Variants in CSMD3 observed in about 807,000 individuals in gnomAD.
CSMD3 encodes the protein CUB and Sushi multiple domains 3, also known as CUB and sushi domain-containing protein 3.
In CSMD3, 177 loss-of-function variants were observed where a neutral mutation model predicts 435.2. The ratio of observed to expected loss-of-function variants is 0.41; its 90% CI spans 0.36 to 0.46. The LOEUF (loss-of-function observed/expected upper bound fraction) is 0.46, where lower values mean the gene tolerates loss of function less well. Ranked by LOEUF, CSMD3 falls within the 20% of genes least tolerant of loss-of-function variation. The pLI, the probability that CSMD3 is intolerant of heterozygous loss-of-function variation, is 0.34. For missense variants in CSMD3, 4,265 were observed against 4,504.6 expected, an observed-to-expected ratio of 0.95 and a Z score of 1.52; for synonymous variants, 1,656 against 1,520.5, an observed-to-expected ratio of 1.09 and a Z score of -2.07.
chr8:113,374,488 T>C (rs1299827494), intron 1 of CSMD3, among the ~76,000 whole-genome samples: 2 of 152,026 alleles, frequency 1.3e-5, no homozygotes, highest in Non-Finnish European at 2.9e-5. Flanking sequence ...GAAGTTCAAA[T>C]TTGTATTCCT....
At chr8:112,908,420 T>G (rs116958172) in intron 10 of CSMD3, among the ~76,000 whole-genome samples, 323 of 151,630 alleles carry the variant, frequency 2.1e-3, no homozygotes, top group Non-Finnish European at 3.9e-3. Flanking sequence ...TTTATAACTT[T>G]GTAGCTGCAA....
rs370529922 is a variant in CSMD3, at chr8:112,263,753, C to A, written c.9748G>T (p.Asp3250Tyr). The A allele has an allele frequency of 1.2e-6, 2 of 1,613,772 alleles. No individual in the cohort carries two copies. The highest frequency in any genetic ancestry group is 2.2e-5 in the South Asian group (2 of 91,048). ...SNGRLEGTNF[D>Y]WGFSISYICS... ...ATGTAGCTAATACTAAAGCCCCAGT[C>A]GAAATTTGTTCCTTCCAGCCTTCCA... Residue 3250 changes from aspartate (D) to tyrosine (Y), a missense_variant, in exon 61 of 71, where the codon GAC becomes TAC. Coordinates refer to ENST00000297405, the MANE Select transcript of CSMD3 (RefSeq NM_198123.2).
chr8:112,855,968 G>T (rs2080646260), intron 11 of CSMD3, among the ~76,000 whole-genome samples: 1 of 151,718 alleles, frequency 6.6e-6, no homozygotes, highest in African/African-American at 2.4e-5. Flanking sequence ...TTGAAACTTG[G>T]AAAAACAAGT....
At chr8:112,480,576 G>GT (rs1819536158) in intron 31 of CSMD3, among the ~76,000 whole-genome samples, 1 of 152,110 alleles carries the variant, frequency 6.6e-6, no homozygotes, top group South Asian at 2.1e-4. Flanking sequence ...CCTTGCGATA[G>GT]TGAGTGAGTT....
At chr8:112,835,641 T>C (rs2080001736) in intron 11 of CSMD3, among the ~76,000 whole-genome samples, 1 of 151,942 alleles carries the variant, frequency 6.6e-6, no homozygotes, top group South Asian at 2.1e-4. Flanking sequence ...CAGATACACA[T>C]CTTATGTGTA....
intron 47 of CSMD3, among the ~76,000 whole-genome samples, chr8:112,315,007 C>A (rs1411258269): frequency 2.0e-5 from 3 of 151,862 alleles, no homozygotes; most frequent in East Asian, 1.9e-4. Context: ...TTAACTCACT[C>A]TCTTCTCTCT....
chr8:113,267,890 T>C (rs567683489), intron 3 of CSMD3, among the ~76,000 whole-genome samples: 50 of 151,894 alleles, frequency 3.3e-4, no homozygotes, highest in African/African-American at 1.1e-3. Context: ...CTGATAATTA[T>C]ATTGTCTAAC....
intron 24 of CSMD3, among the ~76,000 whole-genome samples, chr8:112,570,862 G>C (rs1293633471): frequency 1.3e-5 from 2 of 151,988 alleles, no homozygotes; most frequent in Non-Finnish European, 2.9e-5. Context: ...GAAATTTTTA[G>C]TTTTATCTCT....
At chr8:112,474,181 G>C (rs1818811776) in intron 31 of CSMD3, among the ~76,000 whole-genome samples, 1 of 152,064 alleles carries the variant, frequency 6.6e-6, no homozygotes, top group Non-Finnish European at 1.5e-5. Context: ...TATTTTTAAA[G>C]AGTTACAAAC....
intron 10 of CSMD3, among the ~76,000 whole-genome samples, chr8:112,918,788 C>T (rs951433333): frequency 6.6e-6 from 1 of 151,806 alleles, no homozygotes; most frequent in African/African-American, 2.4e-5. Context: ...AACTTTTAAT[C>T]CCTTTAAAAA....
intron 10 of CSMD3, among the ~76,000 whole-genome samples, chr8:112,920,234 AG>A (rs888401583): frequency 6.6e-6 from 1 of 151,932 alleles, no homozygotes; most frequent in African/African-American, 2.4e-5. Context: ...GGGAAAGATT[AG>A]TTTTCATGAT....
chr8:112,571,334 G>C (rs1013071537), intron 24 of CSMD3, among the ~76,000 whole-genome samples: 2 of 151,952 alleles, frequency 1.3e-5, no homozygotes, highest in Admixed American at 1.3e-4. Flanking sequence ...GAAAAGAAAT[G>C]TGACTTCAAA....
At chr8:112,415,035 G>A (rs774747258) in intron 32 of CSMD3, among the ~76,000 whole-genome samples, 6 of 152,178 alleles carry the variant, frequency 3.9e-5, no homozygotes, top group Non-Finnish European at 8.8e-5. Context: ...CTATTTTCTG[G>A]GGAGAAATTC....
intron 3 of CSMD3, among the ~76,000 whole-genome samples, chr8:113,232,287 A>G (rs150736923): frequency 1.8e-3 from 274 of 151,818 alleles, no homozygotes; most frequent in African/African-American, 6.1e-3. Context: ...TTTAGGAAAA[A>G]TAAGTTTTCA....
At chr8:113,272,991 A>G (rs2093541173) in intron 3 of CSMD3, among the ~76,000 whole-genome samples, 1 of 152,060 alleles carries the variant, frequency 6.6e-6, no homozygotes, top group Admixed American at 6.6e-5. Flanking sequence ...AAATTCTAAA[A>G]TAACTAGTGA....
intron 32 of CSMD3, among the ~76,000 whole-genome samples, chr8:112,423,325 A>G (rs1043267775): frequency 6.6e-6 from 1 of 152,146 alleles, no homozygotes; most frequent in Non-Finnish European, 1.5e-5. Context: ...ATTTTTGGCA[A>G]CATTATTGTC....
At chr8:112,745,492 AT>A (rs2077406827) in intron 13 of CSMD3, among the ~76,000 whole-genome samples, 1 of 152,148 alleles carries the variant, frequency 6.6e-6, no homozygotes, top group Non-Finnish European at 1.5e-5. Context: ...ATAATTGGCT[AT>A]GCTTTCTGTA....
intron 22 of CSMD3, among the ~76,000 whole-genome samples, chr8:112,616,326 TTTTTA>T (rs1342656554): frequency 2.0e-5 from 3 of 152,110 alleles, no homozygotes; most frequent in African/African-American, 4.8e-5. Context: ...TTTAGTGGTA[TTTTTA>T]TTTTAAAGAT....
At chr8:112,695,025 A>G (rs1248227633) in intron 13 of CSMD3, among the ~76,000 whole-genome samples, 1 of 152,108 alleles carries the variant, frequency 6.6e-6, no homozygotes, top group Non-Finnish European at 1.5e-5. Flanking sequence ...ACAAGGGGTC[A>G]GGGATTTTCC....
Sources: gnomAD v4.1 joint callset for allele counts (sites outside exome capture counted in the v4.1 genomes callset) on GRCh38, gnomAD v4.1.1 for gene constraint, MANE v1.5 for transcripts, NCBI Gene and HGNC (gene_info 2026-07-23, HGNC 2026-07-21) for gene names.